The following OSBP2 variants were observed in gnomAD, a reference collection of about 807,000 sequenced individuals.
OSBP2 encodes oxysterol-binding protein 2.
A neutral mutation model predicts 96.0 loss-of-function variants in OSBP2; 66 were observed. The ratio of observed to expected loss-of-function variants is 0.69; its 90% CI spans 0.56 to 0.84. OSBP2 has a LOEUF of 0.84. Ranked by LOEUF, OSBP2 falls within the 40% of genes least tolerant of loss-of-function variation. The pLI is 0.00. For missense variants in OSBP2, 1,038 were observed against 1,222.7 expected, an observed-to-expected ratio of 0.85 and a Z score of 2.25; for synonymous variants, 525 against 520.9, an observed-to-expected ratio of 1.01 and a Z score of -0.11.
At chr22:30,767,702 C>T (rs900045050) in intron 2 of OSBP2, among the ~76,000 whole-genome samples, 3 of 152,116 alleles carry the variant, frequency 2.0e-5, no homozygotes, top group Non-Finnish European at 2.9e-5. Flanking sequence ...AGAAAGGGGC[C>T]GCACATGTGC....
chr22:30,739,746 C>T (rs2089911337), intron 1 of OSBP2, among the ~76,000 whole-genome samples: 1 of 152,184 alleles, frequency 6.6e-6, no homozygotes, highest in Non-Finnish European at 1.5e-5. Context: ...GTAATTCACA[C>T]AGAGTCTGCT....
chr22:30,891,177 G>C (rs527531277), intron 8 of OSBP2, among the ~76,000 whole-genome samples: 1 of 152,344 alleles, frequency 6.6e-6, no homozygotes, highest in South Asian at 2.1e-4. Context: ...ATGGCGAGGG[G>C]CATGAGAACT....
intron 2 of OSBP2, among the ~76,000 whole-genome samples, chr22:30,839,725 G>A (rs1325624777): frequency 6.6e-6 from 1 of 151,478 alleles, no homozygotes; most frequent in Non-Finnish European, 1.5e-5. Context: ...TGAGTTCATT[G>A]TAGATTCTGG....
chr22:30,821,868 T>C (rs975017821), intron 2 of OSBP2, among the ~76,000 whole-genome samples: 2 of 152,240 alleles, frequency 1.3e-5, no homozygotes, highest in South Asian at 2.1e-4. Flanking sequence ...GAAATCAGCG[T>C]TCTCTGATCT....
At chr22:30,844,696 C>T (rs1191640000) in intron 2 of OSBP2, 1 of 152,172 alleles carries the variant, frequency 6.6e-6, no homozygotes, top group Non-Finnish European at 1.5e-5. Flanking sequence ...AAGACTGTTT[C>T]CCTTATCATT....
chr22:30,850,536 G>A (rs1426200414), intron 2 of OSBP2, among the ~76,000 whole-genome samples: 1 of 152,096 alleles, frequency 6.6e-6, no homozygotes, highest in East Asian at 1.9e-4. Context: ...ATCTCACTCT[G>A]TCACCCAGGC....
At chr22:30,694,422 T>C, upstream of OSBP2, 1 of 1,431,300 alleles carries the variant, frequency 7.0e-7, no homozygotes, top group South Asian at 1.5e-5. Flanking sequence ...TCGTGGCCTC[T>C]GGGTGCCGTA....
intron 2 of OSBP2, among the ~76,000 whole-genome samples, chr22:30,827,996 T>C (rs561410553): frequency 3.4e-4 from 52 of 152,116 alleles, no homozygotes; most frequent in Middle Eastern, 6.8e-3. Context: ...GAATGGATGG[T>C]CAAGGGGAAG....
chr22:30,794,320 GGC>G (rs1451960355), intron 2 of OSBP2, among the ~76,000 whole-genome samples: 40 of 143,546 alleles, frequency 2.8e-4, no homozygotes, highest in African/African-American at 9.7e-4. Context: ...GGGGTGCAGT[GGC>G]ACGATCTCGA....
intron 2 of OSBP2, among the ~76,000 whole-genome samples, chr22:30,784,687 A>C (rs1485558114): frequency 6.6e-6 from 1 of 151,856 alleles, no homozygotes; most frequent in African/African-American, 2.4e-5. Context: ...GATTTTGAAT[A>C]CTCGTCTTCA....
intron 3 of OSBP2, among the ~76,000 whole-genome samples, chr22:30,885,573 G>T (rs558902696): frequency 6.6e-6 from 1 of 152,238 alleles, no homozygotes; most frequent in South Asian, 2.1e-4. Flanking sequence ...TTGGTAGAAA[G>T]TGCCAGTCCC....
intron 2 of OSBP2, among the ~76,000 whole-genome samples, chr22:30,762,971 G>A (rs1602229600): frequency 6.6e-6 from 1 of 152,310 alleles, no homozygotes; most frequent in East Asian, 1.9e-4. Context: ...GTCAGTGGAA[G>A]CAGAGATGCT....
intron 1 of OSBP2, among the ~76,000 whole-genome samples, chr22:30,731,318 C>T (rs545332666): frequency 6.6e-5 from 10 of 152,216 alleles, no homozygotes; most frequent in African/African-American, 1.7e-4. Flanking sequence ...GACTTCACAG[C>T]GAGCTACAGA....
Position 30,861,858 on chromosome 22 carries a change from G to A in OSBP2, c.854-8571G>A, listed in dbSNP as rs185272141. Among the ~76,000 whole-genome samples the A allele has an allele frequency of 3.2e-4, 49 of 152,252 alleles. No homozygotes were observed. The East Asian group carries it at 8.5e-3, about 27-fold the overall frequency. ...TTCTATCTCCCACTTGCAGCTTCAG[G>A]GGGGCTCAGGGTCCGAGCGCTGGCC... On this transcript the variant is annotated intron_variant, in intron 2 of 13. Coordinates refer to ENST00000332585, the MANE Select transcript of OSBP2 (RefSeq NM_030758.4).
chr22:30,767,069 A>AT (rs136334), intron 2 of OSBP2, among the ~76,000 whole-genome samples: 47,445 of 130,678 alleles, frequency 0.36, 8,265 homozygotes, highest in Middle Eastern at 0.42. Flanking sequence ...ATGGGATTTA[A>AT]TTTTTTTTTT....
intron 1 of OSBP2, among the ~76,000 whole-genome samples, chr22:30,729,940 A>C (rs1602182099): frequency 1.3e-5 from 2 of 151,960 alleles, no homozygotes; most frequent in South Asian, 4.2e-4. Flanking sequence ...TGAGATAATA[A>C]ATTTCTGGGT....
At chr22:30,756,653 G>T (rs1242214787) in intron 2 of OSBP2, among the ~76,000 whole-genome samples, 3 of 151,964 alleles carry the variant, frequency 2.0e-5, no homozygotes, top group Non-Finnish European at 2.9e-5. Flanking sequence ...AGATCATGCC[G>T]CTGCACTCCA....
chr22:30,856,637 G>A (rs1324000993), intron 2 of OSBP2, among the ~76,000 whole-genome samples: 7 of 151,606 alleles, frequency 4.6e-5, no homozygotes, highest in East Asian at 3.9e-4. Context: ...TCCGCCTGCC[G>A]TGGCCTCCCA....
At chr22:30,845,703 G>A (rs1383623773) in intron 2 of OSBP2, among the ~76,000 whole-genome samples, 1 of 151,730 alleles carries the variant, frequency 6.6e-6, no homozygotes, top group Non-Finnish European at 1.5e-5. Context: ...TCAACATGGT[G>A]AAATCCCATC....
Sources: gnomAD v4.1 joint callset for allele counts (sites outside exome capture counted in the v4.1 genomes callset) on GRCh38, gnomAD v4.1.1 for gene constraint, MANE v1.5 for transcripts, NCBI Gene and HGNC (gene_info 2026-07-23, HGNC 2026-07-21) for gene names.